The following PKNOX2 variants were observed in gnomAD, a reference collection of about 807,000 sequenced individuals.
The protein encoded by PKNOX2 is homeobox protein PKNOX2.
In PKNOX2, 14 loss-of-function variants were observed where a neutral mutation model predicts 53.1. That is an observed-to-expected ratio of 0.26 (90% CI 0.17 to 0.41). PKNOX2 has a LOEUF of 0.41. Ranked by LOEUF, PKNOX2 falls within the 10% of genes least tolerant of loss-of-function variation. The pLI, the probability that PKNOX2 is intolerant of heterozygous loss-of-function variation, is 1.00. For synonymous variants in PKNOX2, 257 were observed against 242.8 expected (o/e 1.06, Z -0.54); for missense variants, 496 against 602.8 (o/e 0.82, Z 1.85).
At chr11:125,321,567 A>C (rs78505354) in intron 2 of PKNOX2, among the ~76,000 whole-genome samples, 4,881 of 152,320 alleles carry the variant, frequency 0.032, 175 homozygotes, top group East Asian at 0.18. Flanking sequence ...TTCTATCTGC[A>C]GTTGGTTGAA....
At chr11:125,221,747 T>G (rs990595368) in intron 1 of PKNOX2, among the ~76,000 whole-genome samples, 1 of 152,208 alleles carries the variant, frequency 6.6e-6, no homozygotes, top group Non-Finnish European at 1.5e-5. Flanking sequence ...AGTAGGTTTT[T>G]TTTTTAAATG....
At chr11:125,398,749 G>T (rs7948563) in intron 7 of PKNOX2, among the ~76,000 whole-genome samples, 5,457 of 152,278 alleles carry the variant, frequency 0.036, 250 homozygotes, top group African/African-American at 0.1. Flanking sequence ...CCTACAAACC[G>T]AGAAAGCTGC....
chr11:125,392,783 G>C (rs1165712301), intron 6 of PKNOX2, among the ~76,000 whole-genome samples: 1 of 152,136 alleles, frequency 6.6e-6, no homozygotes, highest in Admixed American at 6.6e-5. Context: ...AGGAAAAAAG[G>C]AAAGAAAGGA....
At chr11:125,410,723 C>A in intron 8 of PKNOX2, 56 bp from the exon 9 acceptor site, 1 of 1,349,100 alleles carries the variant, frequency 7.4e-7, no homozygotes, top group South Asian at 1.2e-5. Flanking sequence ...ACCCTGCTTG[C>A]CCTCGCTCCT....
chr11:125,230,697 A>G (rs982276633), intron 1 of PKNOX2, among the ~76,000 whole-genome samples: 1 of 152,220 alleles, frequency 6.6e-6, no homozygotes, highest in Non-Finnish European at 1.5e-5. Context: ...GGATGAATGT[A>G]GAAGTCCTCA....
chr11:125,234,620 A>C (rs1408592105), intron 1 of PKNOX2, among the ~76,000 whole-genome samples: 1 of 152,106 alleles, frequency 6.6e-6, no homozygotes, highest in East Asian at 1.9e-4. Flanking sequence ...CCCTGTCTAG[A>C]TTGCAAAGTT....
At chr11:125,310,615 T>C (rs936999276) in intron 2 of PKNOX2, among the ~76,000 whole-genome samples, 1 of 152,224 alleles carries the variant, frequency 6.6e-6, no homozygotes, top group Non-Finnish European at 1.5e-5. Flanking sequence ...TTGCCACTTT[T>C]TGAAAAGAGG....
intron 2 of PKNOX2, among the ~76,000 whole-genome samples, chr11:125,317,539 A>G (rs1949275103): frequency 6.6e-6 from 1 of 152,228 alleles, no homozygotes; most frequent in Non-Finnish European, 1.5e-5. Context: ...ATCTCCTTGT[A>G]CATCTCCATC....
At chr11:125,301,273 A>C (rs1220598931) in intron 2 of PKNOX2, among the ~76,000 whole-genome samples, 2 of 152,014 alleles carry the variant, frequency 1.3e-5, no homozygotes, top group Non-Finnish European at 2.9e-5. Flanking sequence ...CACCCTGGAC[A>C]CCTCAGGTGT....
At chr11:125,401,251 A>G (rs574274613) in intron 7 of PKNOX2, among the ~76,000 whole-genome samples, 1 of 152,294 alleles carries the variant, frequency 6.6e-6, no homozygotes, top group African/African-American at 2.4e-5. Context: ...CAAACCCAGG[A>G]AAAGGGAGAC....
At chr11:125,198,289 T>C (rs995468710) in intron 1 of PKNOX2, among the ~76,000 whole-genome samples, 14 of 152,182 alleles carry the variant, frequency 9.2e-5, no homozygotes, top group African/African-American at 2.9e-4. Flanking sequence ...CAAGGAATTT[T>C]GTGTCTAGAT....
At chr11:125,203,932 T>C (rs1003407610) in intron 1 of PKNOX2, among the ~76,000 whole-genome samples, 2 of 152,196 alleles carry the variant, frequency 1.3e-5, no homozygotes, top group African/African-American at 4.8e-5. Flanking sequence ...CAAACCATGC[T>C]TCACTTTCAC....
At chr11:125,387,097 G>A (rs1173076406) in intron 6 of PKNOX2, among the ~76,000 whole-genome samples, 4 of 152,202 alleles carry the variant, frequency 2.6e-5, no homozygotes, top group African/African-American at 9.6e-5. Context: ...GGTCCCATGG[G>A]AAAGCTGCCC....
At chr11:125,414,846 A>G (rs1955786054) in intron 10 of PKNOX2, among the ~76,000 whole-genome samples, 1 of 152,248 alleles carries the variant, frequency 6.6e-6, no homozygotes. Context: ...CACTTAAGAA[A>G]TAAGTTCCCT....
chr11:125,341,890 C>T (rs575823291), intron 3 of PKNOX2, among the ~76,000 whole-genome samples: 2 of 152,374 alleles, frequency 1.3e-5, no homozygotes, highest in African/African-American at 2.4e-5. Context: ...TTTCCTGAAG[C>T]TCAGGAACAC....
chr11:125,236,259 G>T (rs866618585), intron 2 of PKNOX2, among the ~76,000 whole-genome samples: 1 of 152,036 alleles, frequency 6.6e-6, no homozygotes, highest in African/African-American at 2.4e-5. Context: ...TGTGATTGAC[G>T]GGCCTGGGCT....
At chr11:125,319,255 C>T (rs1053001875) in intron 2 of PKNOX2, among the ~76,000 whole-genome samples, 3 of 152,238 alleles carry the variant, frequency 2.0e-5, no homozygotes, top group African/African-American at 7.2e-5. Context: ...TATAGGGGTA[C>T]ATTTTATGGC....
At chr11:125,211,314 A>T (rs1388140183) in intron 1 of PKNOX2, among the ~76,000 whole-genome samples, 1 of 152,050 alleles carries the variant, frequency 6.6e-6, no homozygotes, top group Non-Finnish European at 1.5e-5. Context: ...ATGTATTTTT[A>T]TGTATTCCTT....
At chr11:125,227,190 G>A (rs561047284) in intron 1 of PKNOX2, among the ~76,000 whole-genome samples, 1 of 152,264 alleles carries the variant, frequency 6.6e-6, no homozygotes, top group Admixed American at 6.5e-5. Flanking sequence ...TGCGCTGGCT[G>A]TCCTGGAGTC....
Sources: allele counts gnomAD v4.1 joint callset (sites outside exome capture counted in the v4.1 genomes callset), GRCh38; gene constraint gnomAD v4.1.1; transcripts MANE v1.5; gene names NCBI Gene and HGNC (gene_info 2026-07-23, HGNC 2026-07-21).